Variants in LVRN observed in about 807,000 individuals in gnomAD.
LVRN encodes aminopeptidase Q.
A neutral mutation model predicts 111.4 loss-of-function variants in LVRN; 99 were observed. The observed-to-expected ratio is 0.89, with a 90% CI of 0.76 to 1.05. The LOEUF is 1.05. Among genes scored for constraint, LVRN ranks in the 50% least tolerant of loss-of-function variants. The pLI is 0.00. For synonymous variants in LVRN, 488 were observed against 449.5 expected (o/e 1.09, Z -1.08); for missense variants, 1,414 against 1,206.8 (o/e 1.17, Z -2.54).
At chr5:115,992,335 A>G in intron 5 of LVRN, 58 bp downstream of exon 5, 1 of 1,584,852 alleles carries the variant, frequency 6.3e-7, no homozygotes, top group Non-Finnish European at 8.6e-7. Flanking sequence ...GTGCGCTACC[A>G]AAATAGCATA....
chr5:115,981,533 T>C (rs1372568844), intron 1 of LVRN, among the ~76,000 whole-genome samples: 1 of 152,166 alleles, frequency 6.6e-6, no homozygotes, highest in Non-Finnish European at 1.5e-5. Flanking sequence ...AATAATCACA[T>C]CATGGAGAAT....
intron 4 of LVRN, among the ~76,000 whole-genome samples, chr5:115,988,876 A>G (rs538128933): frequency 6.6e-6 from 1 of 152,268 alleles, no homozygotes; most frequent in East Asian, 1.9e-4. Context: ...GGAGGCTCCC[A>G]AGACGCCCCT....
intron 17 of LVRN, 49 bp downstream of exon 17, chr5:116,015,468 T>G (rs376580817): frequency 1.3e-4 from 199 of 1,486,514 alleles, no homozygotes; most frequent in Non-Finnish European, 2.3e-5. Flanking sequence ...GGAATTAAAT[T>G]AATAAAGGAA....
Position 116,022,307 on chromosome 5 carries a change from A to T in LVRN, c.2757-84A>T. 4.5e-6 allele frequency: 4 copies of T among 892,944 alleles called. No individual in the cohort carries two copies. In the South Asian group the frequency reaches 5.7e-5, roughly 13 times the overall value. The allele number at this position is 892,944 out of a possible 1,614,324, so 55.3% of individuals were successfully genotyped here. On this transcript the variant is annotated intron_variant, in intron 18 of 19. Coordinates refer to ENST00000357872, the MANE Select transcript of LVRN (RefSeq NM_173800.5). ...ACATAGGAATTAATAGGGGCCATAC[A>T]CTTGACCTTCATCTGCTATATAAAA...
chr5:116,021,583 T>C (rs1748730637), intron 18 of LVRN: 1 of 311,422 alleles, frequency 3.2e-6, no homozygotes, highest in Admixed American at 4.4e-5. Flanking sequence ...TTAACTCTTA[T>C]CATTTTTAAT....
chr5:115,997,021 T>A (rs1044586866), intron 6 of LVRN, among the ~76,000 whole-genome samples: 10 of 152,180 alleles, frequency 6.6e-5, no homozygotes, highest in African/African-American at 1.9e-4. Context: ...TCTCATTCAA[T>A]CCTCAGGGCA....
At chr5:115,970,786 TTTGGG>T (rs1753308628) in intron 1 of LVRN, among the ~76,000 whole-genome samples, 1 of 152,226 alleles carries the variant, frequency 6.6e-6, no homozygotes, top group South Asian at 2.1e-4. Flanking sequence ...TACCAAGACA[TTTGGG>T]TTGTTTTCAG....
intron 1 of LVRN, among the ~76,000 whole-genome samples, chr5:115,964,801 A>T (rs1317092648): frequency 1.3e-5 from 2 of 152,224 alleles, no homozygotes; most frequent in African/African-American, 4.8e-5. Flanking sequence ...AGCAAGAAGA[A>T]ATCTTAATAA....
At chr5:116,013,698 G>A (rs139319142) in intron 15 of LVRN, among the ~76,000 whole-genome samples, 93 of 152,248 alleles carry the variant, frequency 6.1e-4, no homozygotes, top group Middle Eastern at 3.4e-3. Context: ...GAGATTTGGC[G>A]CTTGCGTTTT....
intron 1 of LVRN, chr5:115,975,341 A>G (rs1029552887): frequency 6.8e-5 from 19 of 280,868 alleles, no homozygotes; most frequent in African/African-American, 4.1e-4. Context: ...GGAGTTGCCA[A>G]TATGATATCA....
chr5:115,966,011 A>G (rs1753193780), intron 1 of LVRN, among the ~76,000 whole-genome samples: 1 of 152,220 alleles, frequency 6.6e-6, no homozygotes, highest in African/African-American at 2.4e-5. Context: ...CAAAGATAAT[A>G]TAGAGAGGTC....
intron 9 of LVRN, 116 bp from the exon 10 acceptor site, chr5:116,000,951 C>T: frequency 8.4e-7 from 1 of 1,184,384 alleles, no homozygotes; most frequent in Non-Finnish European, 1.2e-6. Flanking sequence ...TCACCCACTG[C>T]AGGACTACTA....
intron 1 of LVRN, among the ~76,000 whole-genome samples, chr5:115,980,029 C>A (rs556277910): frequency 7.2e-5 from 11 of 152,202 alleles, no homozygotes; most frequent in African/African-American, 2.4e-4. Context: ...AACAGTGAGT[C>A]CATGATTCTC....
In LVRN at chr5:115,968,807, G is replaced by C. The variant is rs147283557; in HGVS notation, c.695+5495G>C. On this transcript the variant is annotated intron_variant, in intron 1 of 19. Transcript: ENST00000357872. ...CAGTAAGTATTCCCAGGAAAAATCA[G>C]CTGGAGAATGGGCAAGTGTGACTGA... is the stretch of plus-strand genomic sequence containing the variant. 4.5e-3 allele frequency among the ~76,000 whole-genome samples: 688 copies of C among 152,324 alleles called. 3 individuals are homozygous for C. The highest frequency in any genetic ancestry group is 7.0e-3 in the Non-Finnish European group (476 of 68,028).
At chr5:115,997,130 C>T (rs1748130587) in intron 6 of LVRN, among the ~76,000 whole-genome samples, 1 of 152,122 alleles carries the variant, frequency 6.6e-6, no homozygotes, top group African/African-American at 2.4e-5. Context: ...CTTGGAACAT[C>T]ATGAAAATTA....
intron 2 of LVRN, 21 bp downstream of exon 2, chr5:115,983,450 A>C: frequency 1.9e-6 from 3 of 1,578,444 alleles, no homozygotes; most frequent in South Asian, 2.4e-5. Flanking sequence ...CTTTCTGTCT[A>C]TATCTAGCTG....
chr5:115,966,254 A>G (rs1295783126), intron 1 of LVRN, among the ~76,000 whole-genome samples: 1 of 152,102 alleles, frequency 6.6e-6, no homozygotes, highest in Non-Finnish European at 1.5e-5. Context: ...CCTGACAACC[A>G]CTAATCCGTT....
intron 1 of LVRN, among the ~76,000 whole-genome samples, chr5:115,977,997 T>C (rs1753483084): frequency 6.6e-6 from 1 of 152,232 alleles, no homozygotes; most frequent in South Asian, 2.1e-4. Flanking sequence ...AAAATTAGGA[T>C]ATTTTGGGGG....
intron 13 of LVRN, among the ~76,000 whole-genome samples, chr5:116,009,478 G>T (rs1476505841): frequency 2.0e-5 from 3 of 152,130 alleles, no homozygotes; most frequent in African/African-American, 2.4e-5. Context: ...CATAGATAAT[G>T]ATCCTTCTGA....
Sources: gnomAD v4.1 joint callset for allele counts (sites outside exome capture counted in the v4.1 genomes callset) on GRCh38, gnomAD v4.1.1 for gene constraint, MANE v1.5 for transcripts, NCBI Gene and HGNC (gene_info 2026-07-23, HGNC 2026-07-21) for gene names.